ATP13A4: variants seen among roughly 807,000 people sequenced by gnomAD.
The protein encoded by ATP13A4 is ATPase 13A4.
ATP13A4 carries 114 observed loss-of-function variants against 142.5 expected under a neutral mutation model. The observed-to-expected ratio is 0.80, with a 90% confidence interval of 0.69 to 0.93. The LOEUF is 0.93. ATP13A4 is among the 40% of genes least tolerant of loss of function. The pLI is 0.00. For missense variants in ATP13A4, 1,392 were observed against 1,454.0 expected (o/e 0.96, Z 0.69); for synonymous variants, 488 against 514.8 (o/e 0.95, Z 0.70).
chr3:193,478,344 T>C (rs1577005501), intron 8 of ATP13A4, among the ~76,000 whole-genome samples: 1 of 151,352 alleles, frequency 6.6e-6, no homozygotes, highest in Admixed American at 6.6e-5. Flanking sequence ...AAGCTGGTTC[T>C]TTGAAAAGAT....
chr3:193,514,111 G>T (rs1721278393), intron 2 of ATP13A4, among the ~76,000 whole-genome samples: 1 of 152,128 alleles, frequency 6.6e-6, no homozygotes, highest in Admixed American at 6.5e-5. Context: ...TTAAGATCGG[G>T]GAACATGTGC....
chr3:193,490,711 T>C (rs1719896454), intron 6 of ATP13A4, among the ~76,000 whole-genome samples: 1 of 152,212 alleles, frequency 6.6e-6, no homozygotes, highest in Non-Finnish European at 1.5e-5. Flanking sequence ...CTTTCTTTCA[T>C]GCTTGACGGC....
In ATP13A4 at chr3:193,402,475, C is replaced by A; in HGVS notation, c.*177G>T. 2 of 596,816 alleles carry A rather than the reference C, an allele frequency of 3.4e-6. No homozygotes were observed. The highest frequency in any genetic ancestry group is 3.9e-5 in the South Asian group (2 of 50,660). The allele number at this position is 596,816 out of a possible 1,614,324, so 37.0% of individuals were successfully genotyped here. A position where few individuals can be genotyped will look rare whatever the true frequency, so the allele number is the denominator to read the frequency against. On this transcript the variant is annotated 3_prime_UTR_variant, in exon 30 of 30. Coordinates refer to ENST00000342695, the MANE Select transcript of ATP13A4 (RefSeq NM_032279.4). ...CCAAGAGGAAAGCACTCTTCTGGGT[C>A]AATGTTCTTCTCTGTAGACAGTATT...
intron 25 of ATP13A4, among the ~76,000 whole-genome samples, chr3:193,425,904 A>C (rs1451878402): frequency 6.6e-6 from 1 of 151,836 alleles, no homozygotes; most frequent in East Asian, 1.9e-4. Flanking sequence ...ATAAATGTGC[A>C]AAGTGATAAA....
At chr3:193,491,017 T>A (rs372562757) in intron 6 of ATP13A4, among the ~76,000 whole-genome samples, 2 of 152,184 alleles carry the variant, frequency 1.3e-5, no homozygotes, top group South Asian at 2.1e-4. Flanking sequence ...TTAAAAAAAA[T>A]TGAGTTTCAT....
rs922120989 is a variant in ATP13A4, at chr3:193,419,159, T to C, written c.2843-4409A>G. Reference sequence around the variant, plus strand: ...AGAGAAACTGCCTTGATGAAACTGCTCCAACTACTCCTCTTAGTCACTGCT... The same window carrying C: ...AGAGAAACTGCCTTGATGAAACTGCCCCAACTACTCCTCTTAGTCACTGCT... On this transcript the variant is annotated intron_variant, in intron 25 of 29. Transcript: ENST00000342695. Among the ~76,000 whole-genome samples the C allele has an allele frequency of 1.1e-4, 17 of 150,062 alleles. 1 individual carries two copies. The highest frequency in any genetic ancestry group is 4.2e-4 in the African/African-American group (17 of 40,842).
intron 29 of ATP13A4, among the ~76,000 whole-genome samples, chr3:193,406,709 G>A (rs1714514797): frequency 6.6e-6 from 1 of 152,162 alleles, no homozygotes; most frequent in Non-Finnish European, 1.5e-5. Context: ...CCATCCGCAA[G>A]GCAAAAATGA....
chr3:193,518,605 A>T (rs958173013), intron 1 of ATP13A4, among the ~76,000 whole-genome samples: 10 of 152,316 alleles, frequency 6.6e-5, no homozygotes, highest in African/African-American at 2.2e-4. Context: ...CATTATTATA[A>T]AGAACTAATA....
intron 9 of ATP13A4, 140 bp from the exon 10 acceptor site, chr3:193,467,626 C>A (rs1195326264): frequency 2.5e-6 from 2 of 806,394 alleles, no homozygotes; most frequent in Non-Finnish European, 4.3e-6. Flanking sequence ...ATTGGGGATA[C>A]AAGCATAAAC....
intron 5 of ATP13A4, 30 bp downstream of exon 5, chr3:193,492,887 A>T (rs1343435804): frequency 1.3e-6 from 2 of 1,515,068 alleles, no homozygotes; most frequent in African/African-American, 2.8e-5. Flanking sequence ...AATCCTTTTG[A>T]GCTAGTATAG....
At chr3:193,503,769 A>T (rs1720692558) in intron 2 of ATP13A4, among the ~76,000 whole-genome samples, 1 of 152,146 alleles carries the variant, frequency 6.6e-6, no homozygotes, top group Non-Finnish European at 1.5e-5. Flanking sequence ...TTAAGTCTTT[A>T]CATGGCTGGA....
intron 25 of ATP13A4, among the ~76,000 whole-genome samples, chr3:193,425,465 G>A (rs180874945): frequency 3.8e-4 from 58 of 151,804 alleles, no homozygotes; most frequent in Non-Finnish European, 6.9e-4. Context: ...TGCCCTAAGG[G>A]TATATCAACA....
At chr3:193,592,910 CTCTTAA>C (rs957456477) in intron 1 of ATP13A4, 13 of 166,236 alleles carry the variant, frequency 7.8e-5, no homozygotes, top group African/African-American at 3.1e-4. Flanking sequence ...CAATATCCAA[CTCTTAA>C]TAAATTCATG....
intron 17 of ATP13A4, among the ~76,000 whole-genome samples, chr3:193,453,435 A>C (rs1401831949): frequency 2.6e-5 from 4 of 152,190 alleles, no homozygotes; most frequent in Non-Finnish European, 4.4e-5. Flanking sequence ...AAATGACATG[A>C]AAGGTGAAAT....
Position 193,548,188 on chromosome 3 carries a change from A to G in ATP13A4, c.60+6552T>C, listed in dbSNP as rs78204304. Reference sequence around the variant, plus strand: ...CCAAATAAATAACATAACATTTTCTAGGTTTATTTTTAAATTACTCAAACC... The same window carrying G: ...CCAAATAAATAACATAACATTTTCTGGGTTTATTTTTAAATTACTCAAACC... On this transcript the variant is annotated intron_variant, in intron 1 of 29. Transcript: ENST00000342695. 2.7e-3 allele frequency among the ~76,000 whole-genome samples: 406 copies of G among 152,292 alleles called. 3 individuals are homozygous for G. The highest frequency in any genetic ancestry group is 9.1e-3 in the African/African-American group (377 of 41,558).
chr3:193,422,325 C>T (rs1190182769), intron 25 of ATP13A4, among the ~76,000 whole-genome samples: 1 of 149,732 alleles, frequency 6.7e-6, no homozygotes, highest in Admixed American at 6.9e-5. Flanking sequence ...ATCAACTAGA[C>T]ATAAAATTGA....
chr3:193,441,004 T>G (rs1716602290), intron 20 of ATP13A4, among the ~76,000 whole-genome samples: 1 of 147,140 alleles, frequency 6.8e-6, no homozygotes, highest in African/African-American at 2.5e-5. Context: ...TCGATCTATC[T>G]CTCTCTCTCT....
At chr3:193,581,199 A>G (rs1724536952) in intron 2 of ATP13A4, among the ~76,000 whole-genome samples, 1 of 152,264 alleles carries the variant, frequency 6.6e-6, no homozygotes, top group Non-Finnish European at 1.5e-5. Flanking sequence ...ATTAGATAAT[A>G]GTGTTCAAAT....
At chr3:193,417,858 C>T (rs577659070) in intron 25 of ATP13A4, among the ~76,000 whole-genome samples, 1 of 147,936 alleles carries the variant, frequency 6.8e-6, no homozygotes, top group African/African-American at 2.5e-5. Context: ...CGCGGTGGCT[C>T]ACGCCTGTAA....
Sources: allele counts gnomAD v4.1 joint callset (sites outside exome capture counted in the v4.1 genomes callset), GRCh38; gene constraint gnomAD v4.1.1; transcripts MANE v1.5; gene names NCBI Gene and HGNC (gene_info 2026-07-23, HGNC 2026-07-21).